The following CYP19A1 variants were observed in gnomAD, a reference collection of about 807,000 sequenced individuals.
CYP19A1 encodes cytochrome P450 family 19 subfamily A member 1.
Under a neutral mutation model 44.4 loss-of-function variants are expected in CYP19A1, and 32 were observed. The ratio of observed to expected loss-of-function variants is 0.72; its 90% CI spans 0.54 to 0.97. The LOEUF (loss-of-function observed/expected upper bound fraction) is 0.97. CYP19A1 is among the 50% of genes least tolerant of loss of function. CYP19A1 has a pLI of 0.00. For synonymous variants in CYP19A1, 212 were observed against 215.6 expected, an observed-to-expected ratio of 0.98 and a Z score of 0.14; for missense variants, 598 against 637.8, an observed-to-expected ratio of 0.94 and a Z score of 0.67.
rs137894387 is a variant in CYP19A1 at position 51,290,314 on chromosome 15, G to C, written c.-38-47364C>G. Among the ~76,000 whole-genome samples the C allele has an allele frequency of 3.7e-3, 569 of 152,348 alleles. 5 individuals are homozygous for C. The highest frequency in any genetic ancestry group is 6.6e-3 in the Non-Finnish European group (447 of 68,036). The stretch of plus-strand genomic sequence containing the variant: ...GTGAACAGCAAAGTTCGCAGCACAT[G>C]GTGGACCATTCATTTACTGTTTCTG... On this transcript the variant is annotated intron_variant, in intron 1 of 9. Transcript: ENST00000396402.
chr15:51,301,425 G>A (rs372590111), intron 1 of CYP19A1, among the ~76,000 whole-genome samples: 68 of 152,280 alleles, frequency 4.5e-4, no homozygotes, highest in Non-Finnish European at 7.1e-4. Flanking sequence ...TTGGGATGCC[G>A]GGGCTACACC....
In CYP19A1 at chr15:51,227,854, C is replaced by A; in HGVS notation, c.376G>T (p.Gly126Cys). The A allele has an allele frequency of 6.6e-7, 1 of 1,517,566 alleles. No homozygotes were observed. Among genetic ancestry groups the A allele is most frequent in the Non-Finnish European group, 9.2e-7 (1 of 1,092,098 alleles). The allele number at this position is 1,517,566 out of a possible 1,614,324, so 94.0% of individuals were successfully genotyped here. A position where few individuals can be genotyped will look rare whatever the true frequency, so the allele number is the denominator to read the frequency against. ...AATATGATGCCTTTCTCATGCATAC[C>A]GATGCACTGCAGCCCAAGTTTGCTG... The part of the protein sequence containing the change: ...FGSKLGLQCI[G>C]MHEKGIIFNN... Residue 126 changes from glycine (G) to cysteine (C), a missense_variant, in exon 4 of 10, where the codon GGT (glycine) becomes TGT (cysteine). Coordinates refer to ENST00000396402, the MANE Select transcript of CYP19A1 (RefSeq NM_000103.4).
At chr15:51,233,057 T>G (rs967319763) in intron 3 of CYP19A1, among the ~76,000 whole-genome samples, 1 of 152,236 alleles carries the variant, frequency 6.6e-6, no homozygotes, top group Non-Finnish European at 1.5e-5. Context: ...TAGAATGCTT[T>G]CCCGCCAGGT....
chr15:51,211,281 C>T lies in CYP19A1; in HGVS notation c.1264-225G>A, dbSNP rs28757205. 0.019 allele frequency among the ~76,000 whole-genome samples: 2,871 copies of T among 152,288 alleles called. 112 individuals are homozygous for T. The highest frequency in any genetic ancestry group is 0.066 in the African/African-American group (2,761 of 41,540). On this transcript the variant is annotated intron_variant, in intron 9 of 9. Coordinates refer to ENST00000396402, the MANE Select transcript of CYP19A1 (RefSeq NM_000103.4). ...CAACCTCAGAGAGTCCCCAGTTTTG[C>T]CTTTCATGTGCTGGGGTAAAGCAAT...
Position 51,230,702 on chromosome 15 carries a change from T to G in CYP19A1, c.297-2769A>C, listed in dbSNP as rs28740965. 8.2e-3 allele frequency among the ~76,000 whole-genome samples: 1,184 copies of G among 145,214 alleles called. 29 individuals carry two copies. Among genetic ancestry groups the G allele is most frequent in the African/African-American group, 0.029 (1,139 of 39,534 alleles). ...GGCGCAATCTCAGCTAATTGCAAAC[T>G]CCACCTCCCAGGTTCAAGCAATTCT... On this transcript the variant is annotated intron_variant, in intron 3 of 9. Coordinates refer to ENST00000396402, the MANE Select transcript of CYP19A1 (RefSeq NM_000103.4).
chr15:51,231,184 G>A (rs1386099410), intron 3 of CYP19A1, among the ~76,000 whole-genome samples: 4 of 152,202 alleles, frequency 2.6e-5, no homozygotes, highest in African/African-American at 9.7e-5. Context: ...CTACTGAAGT[G>A]TTATTGCAAA....
At chr15:51,286,909 T>G (rs980298327) in intron 1 of CYP19A1, among the ~76,000 whole-genome samples, 1 of 152,126 alleles carries the variant, frequency 6.6e-6, no homozygotes, top group Non-Finnish European at 1.5e-5. Flanking sequence ...AGAATATACC[T>G]CTAGATGGCC....
chr15:51,213,302 G>C (rs927678215), intron 8 of CYP19A1, among the ~76,000 whole-genome samples: 1 of 152,194 alleles, frequency 6.6e-6, no homozygotes, highest in Non-Finnish European at 1.5e-5. Context: ...CACTGTCTCA[G>C]ATTAGCCTGA....
intron 1 of CYP19A1, among the ~76,000 whole-genome samples, chr15:51,306,945 G>A (rs555869502): frequency 8.6e-5 from 13 of 151,820 alleles, no homozygotes; most frequent in Middle Eastern, 3.4e-3. Flanking sequence ...AGATCAGAAG[G>A]GTCTAGACAT....
At chr15:51,280,962 G>A (rs1317611432) in intron 1 of CYP19A1, among the ~76,000 whole-genome samples, 3 of 152,144 alleles carry the variant, frequency 2.0e-5, no homozygotes, top group Admixed American at 6.5e-5. Flanking sequence ...AAGCTCCGGG[G>A]CATCCTCTGT....
At chr15:51,309,823 G>A (rs964650421) in intron 1 of CYP19A1, among the ~76,000 whole-genome samples, 3 of 152,156 alleles carry the variant, frequency 2.0e-5, no homozygotes, top group Non-Finnish European at 4.4e-5. Flanking sequence ...TTCAAGCTTG[G>A]ATCTTAAATT....
intron 1 of CYP19A1, among the ~76,000 whole-genome samples, chr15:51,310,824 G>A (rs372159011): frequency 3.9e-5 from 6 of 152,188 alleles, no homozygotes; most frequent in Admixed American, 3.3e-4. Context: ...AGAGGAAAGA[G>A]GGGGAGAAAG....
chr15:51,247,195 T>A (rs2034099319), intron 1 of CYP19A1, among the ~76,000 whole-genome samples: 2 of 152,138 alleles, frequency 1.3e-5, no homozygotes, highest in African/African-American at 4.8e-5. Flanking sequence ...CCATGAGAGA[T>A]CATGAGCATC....
intron 1 of CYP19A1, among the ~76,000 whole-genome samples, chr15:51,256,468 C>G (rs548778141): frequency 6.6e-6 from 1 of 152,110 alleles, no homozygotes; most frequent in Non-Finnish European, 1.5e-5. Flanking sequence ...TGACACCTAC[C>G]CCATGAGTGT....
At chr15:51,301,623 T>C (rs146488667) in intron 1 of CYP19A1, among the ~76,000 whole-genome samples, 3 of 151,934 alleles carry the variant, frequency 2.0e-5, no homozygotes, top group South Asian at 2.1e-4. Context: ...GCTAGTGCTC[T>C]CTCTGGCCTG....
chr15:51,288,706 C>T (rs1237411213), intron 1 of CYP19A1, among the ~76,000 whole-genome samples: 5 of 152,198 alleles, frequency 3.3e-5, no homozygotes, highest in African/African-American at 4.8e-5. Flanking sequence ...CCTTGTTAAA[C>T]GCAGACTGTT....
intron 8 of CYP19A1, among the ~76,000 whole-genome samples, chr15:51,213,881 T>C (rs1443527482): frequency 3.9e-5 from 6 of 152,190 alleles, no homozygotes; most frequent in African/African-American, 1.2e-4. Flanking sequence ...GCTGTAGCCC[T>C]GCACCTGGCA....
At chr15:51,236,791 G>A (rs1269506888) in intron 3 of CYP19A1, 68 bp downstream of exon 3, 6 of 1,580,292 alleles carry the variant, frequency 3.8e-6, no homozygotes, top group African/African-American at 2.7e-5. Context: ...TCAAAATAAA[G>A]TTGTCTTAAG....
intron 1 of CYP19A1, among the ~76,000 whole-genome samples, chr15:51,243,603 G>T (rs2033910608): frequency 6.6e-6 from 1 of 152,084 alleles, no homozygotes; most frequent in Non-Finnish European, 1.5e-5. Flanking sequence ...AGTATCCCTA[G>T]GGACCGGCCA....
Sources: gnomAD v4.1 joint callset for allele counts (sites outside exome capture counted in the v4.1 genomes callset) on GRCh38, gnomAD v4.1.1 for gene constraint, MANE v1.5 for transcripts, NCBI Gene and HGNC (gene_info 2026-07-23, HGNC 2026-07-21) for gene names.